Variants in BCOR observed in about 807,000 individuals in gnomAD.
BCOR encodes BCL-6 corepressor.
A neutral mutation model predicts 86.7 loss-of-function variants in BCOR; 10 were observed. The observed-to-expected ratio is 0.12, with a 90% CI of 0.07 to 0.20. The LOEUF (loss-of-function observed/expected upper bound fraction) is 0.20. BCOR is among the 10% of genes least tolerant of loss of function. BCOR has a pLI of 1.00. For synonymous variants in BCOR, 611 were observed against 609.0 expected (o/e 1.00, Z -0.05); for missense variants, 1,259 against 1,452.1 (o/e 0.87, Z 2.16).
chrX:40,109,492 C>G (rs966835613), intron 1 of BCOR, among the ~76,000 whole-genome samples: 5 of 112,274 alleles, frequency 4.5e-5, no homozygotes, highest in Non-Finnish European at 9.5e-5. Flanking sequence ...TCGCCATGGC[C>G]GGCGACCTCC....
intron 1 of BCOR, among the ~76,000 whole-genome samples, chrX:40,103,699 A>T (rs1937115084): frequency 1.8e-5 from 2 of 110,519 alleles, no homozygotes; most frequent in Non-Finnish European, 3.8e-5. Context: ...TTCCACTGAC[A>T]CTCCAGAGAC....
At position 40,103,292 on chromosome X, in the gene BCOR, G is replaced by A. The variant is rs72623229; in HGVS notation, c.-40-25323C>T. 1.7e-4 allele frequency among the ~76,000 whole-genome samples: 19 copies of A among 111,653 alleles called. No individual in the cohort carries two copies. In the East Asian group the frequency reaches 5.1e-3, roughly 30 times the overall value. ...GGAGTTTAAATAGACCAGCGTGGAG[G>A]GGAAACGCCATGATTTAAAAGTGTG... On this transcript the variant is annotated intron_variant, in intron 1 of 14. Transcript: ENST00000342274.
chrX:40,094,865 G>A (rs1265065143), intron 1 of BCOR, among the ~76,000 whole-genome samples: 5 of 113,300 alleles, frequency 4.4e-5, no homozygotes, highest in Non-Finnish European at 9.4e-5. Flanking sequence ...AGGCCAGGAC[G>A]GCCCTGCAAA....
intron 6 of BCOR, among the ~76,000 whole-genome samples, chrX:40,065,711 G>C (rs189690009): frequency 2.4e-3 from 273 of 112,185 alleles, no homozygotes; most frequent in Non-Finnish European, 4.4e-3. Context: ...CGAGGTTAAG[G>C]TGTCAGCCCT....
chrX:40,064,725 AC>A (rs1935115221), intron 6 of BCOR, 126 bp from the exon 7 acceptor site: 1 of 760,750 alleles, frequency 1.3e-6, no homozygotes, highest in Non-Finnish European at 1.9e-6. Context: ...TTCTTTGGAG[AC>A]TGGGGTCCTC....
rs375139386 is a variant in BCOR, at chrX:40,052,187, C to A, written c.5190G>T (p.Thr1730=). ...SKELLDLVEF[T]NEIQTLLGSS... is the part of the protein sequence containing the mutation. ...AGCCCAGCAGAGTCTGAATTTCGTT[C>A]GTGAATTCCACCAGATCTAACAGCT... is the stretch of plus-strand genomic sequence containing the variant. Residue 1730 remains threonine, a synonymous_variant, in exon 15 of 15, where the codon ACG becomes ACT. Transcript: ENST00000378444. 8.3e-7 allele frequency: 1 copy of A among 1,209,128 alleles called. No individual in the cohort carries two copies. The highest frequency in any genetic ancestry group is 1.1e-6 in the Non-Finnish European group (1 of 894,727).
At chrX:40,151,215 C>T (rs776463414) in intron 1 of BCOR, among the ~76,000 whole-genome samples, 2 of 112,495 alleles carry the variant, frequency 1.8e-5, no homozygotes, top group African/African-American at 6.5e-5. Context: ...AGGCCCAAGG[C>T]GCAGGTGAGC....
chrX:40,056,074 C>T (rs779620562), intron 11 of BCOR, among the ~76,000 whole-genome samples: 28 of 109,758 alleles, frequency 2.6e-4, no homozygotes, highest in Non-Finnish European at 4.9e-4. Flanking sequence ...CCTGCCTCGG[C>T]CTCCAAAAGT....
intron 10 of BCOR, among the ~76,000 whole-genome samples, chrX:40,061,829 G>A (rs948090192): frequency 9.0e-6 from 1 of 110,931 alleles, no homozygotes; most frequent in Non-Finnish European, 1.9e-5. Flanking sequence ...TCCCCTAGTC[G>A]CCAAGCCCTG....
At chrX:40,153,691 C>T (rs1352062515) in intron 1 of BCOR, among the ~76,000 whole-genome samples, 2 of 111,898 alleles carry the variant, frequency 1.8e-5, no homozygotes, top group Admixed American at 9.4e-5. Flanking sequence ...AGGAGAGGAG[C>T]TGAGAGGAAG....
intron 1 of BCOR, among the ~76,000 whole-genome samples, chrX:40,129,210 G>C (rs1406933207): frequency 8.9e-6 from 1 of 111,927 alleles, no homozygotes; most frequent in Non-Finnish European, 1.9e-5. Context: ...AGTTAGCCGG[G>C]CATGGTGGCT....
At chrX:40,053,021 C>T (rs1461711841) in intron 14 of BCOR, among the ~76,000 whole-genome samples, 2 of 111,454 alleles carry the variant, frequency 1.8e-5, no homozygotes, top group African/African-American at 3.3e-5. Context: ...CAACTAGGGT[C>T]AAGCCTATCC....
chrX:40,145,221 G>C lies in BCOR; in HGVS notation c.-41+31786C>G, dbSNP rs763526508. On this transcript the variant is annotated intron_variant, in intron 1 of 14. Transcript: ENST00000342274. ...AGCACCCACACTTTGGCAGGTCCCA[G>C]AGCCGGCGGGGCGCAGGCGAACAGC... 1.2e-3 allele frequency among the ~76,000 whole-genome samples: 129 copies of C among 111,470 alleles called. 2 individuals carry two copies. Among genetic ancestry groups the C allele is most frequent in the Admixed American group, 9.4e-3 (100 of 10,635 alleles).
chrX:40,093,849 G>A (rs1213272464), intron 1 of BCOR, among the ~76,000 whole-genome samples: 1 of 111,501 alleles, frequency 9.0e-6, no homozygotes, highest in Non-Finnish European at 1.9e-5. Context: ...GGAACATTGA[G>A]TCTACGTCTG....
chrX:40,081,796 G>T (rs1384865021), intron 1 of BCOR, among the ~76,000 whole-genome samples: 2 of 112,466 alleles, frequency 1.8e-5, no homozygotes, highest in Non-Finnish European at 3.8e-5. Flanking sequence ...GGATGGAGAG[G>T]AAAGACAGCT....
At chrX:40,100,399 C>T (rs1937048357), upstream of BCOR, among the ~76,000 whole-genome samples, 1 of 112,033 alleles carries the variant, frequency 8.9e-6, no homozygotes, top group Non-Finnish European at 1.9e-5. Flanking sequence ...CACCTTCTAT[C>T]CCCTCCCCTC....
intron 1 of BCOR, among the ~76,000 whole-genome samples, chrX:40,170,013 C>G (rs1464852157): frequency 8.9e-6 from 1 of 112,811 alleles, no homozygotes; most frequent in African/African-American, 3.2e-5. Flanking sequence ...CTGGGCACCA[C>G]CTGGGGCCGG....
chrX:40,168,740 C>T (rs944717027), intron 1 of BCOR, among the ~76,000 whole-genome samples: 5 of 113,366 alleles, frequency 4.4e-5, no homozygotes, highest in African/African-American at 1.6e-4. Flanking sequence ...AGCACGGAGC[C>T]AGGGCGGCCT....
chrX:40,106,589 TCCTC>T (rs1338199689), intron 1 of BCOR, among the ~76,000 whole-genome samples: 2 of 109,484 alleles, frequency 1.8e-5, no homozygotes, highest in Admixed American at 1.9e-4. Flanking sequence ...GCCTCGCACT[TCCTC>T]CCGCCCGCGC....
Sources: gnomAD v4.1 joint callset for allele counts (sites outside exome capture counted in the v4.1 genomes callset) on GRCh38, gnomAD v4.1.1 for gene constraint, MANE v1.5 for transcripts, NCBI Gene and HGNC (gene_info 2026-07-23, HGNC 2026-07-21) for gene names.